Variants in RBP2 observed in about 807,000 individuals in gnomAD.
The protein encoded by RBP2 is retinol-binding protein 2.
A neutral mutation model predicts 17.0 loss-of-function variants in RBP2; 17 were observed. That is an observed-to-expected ratio of 1.00 (90% CI 0.68 to 1.50). RBP2 has a LOEUF of 1.50. Among genes scored for constraint, RBP2 ranks in the 40% most tolerant of loss-of-function variants. RBP2 has a pLI of 0.00. For missense variants in RBP2, 158 were observed against 168.2 expected (o/e 0.94, Z 0.33); for synonymous variants, 48 against 57.1 (o/e 0.84, Z 0.72).
chr3:139,465,784 A>G (rs1460562514), intron 1 of RBP2, among the ~76,000 whole-genome samples: 1 of 152,156 alleles, frequency 6.6e-6, no homozygotes, highest in Non-Finnish European at 1.5e-5. Flanking sequence ...CCAGGGCTGT[A>G]TAATAAGTGA....
At chr3:139,461,939 C>T (rs1227495268) in intron 2 of RBP2, among the ~76,000 whole-genome samples, 173 bp downstream of exon 2, 1 of 152,240 alleles carries the variant, frequency 6.6e-6, no homozygotes, top group Non-Finnish European at 1.5e-5. Flanking sequence ...AGGCCTGCCT[C>T]TTCCTACTAA....
intron 2 of RBP2, among the ~76,000 whole-genome samples, chr3:139,459,946 GGA>G (rs146064989): frequency 0.015 from 2,246 of 152,210 alleles, 61 homozygotes; most frequent in African/African-American, 0.052. Flanking sequence ...ACTGCTGACT[GGA>G]GAGGGGAGAA....
At chr3:139,455,819 G>A (rs1559803775) in intron 2 of RBP2, among the ~76,000 whole-genome samples, 2 of 152,206 alleles carry the variant, frequency 1.3e-5, no homozygotes, top group South Asian at 4.1e-4. Context: ...AGGGGCAGCA[G>A]CAGAACATGT....
chr3:139,453,794 A>T (rs550529319), intron 3 of RBP2, among the ~76,000 whole-genome samples: 1 of 152,352 alleles, frequency 6.6e-6, no homozygotes, highest in African/African-American at 2.4e-5. Flanking sequence ...TTGACTGTGA[A>T]TCCATTGTCT....
intron 2 of RBP2, among the ~76,000 whole-genome samples, 185 bp from the exon 3 acceptor site, chr3:139,455,015 A>G (rs1943370837): frequency 6.6e-6 from 1 of 152,188 alleles, no homozygotes; most frequent in African/African-American, 2.4e-5. Context: ...ATTCCAGCCA[A>G]ACCAGCTTAT....
intron 1 of RBP2, among the ~76,000 whole-genome samples, chr3:139,471,978 C>G (rs928424254): frequency 1.3e-5 from 2 of 152,206 alleles, no homozygotes; most frequent in Non-Finnish European, 2.9e-5. Context: ...ACTTAAAGAT[C>G]CTGTTGCTTT....
intron 1 of RBP2, 134 bp downstream of exon 1, chr3:139,476,253 A>T (rs1933735600): frequency 3.1e-6 from 2 of 654,314 alleles, no homozygotes; most frequent in African/African-American, 1.8e-5. Context: ...TGATCTGCCT[A>T]ATATTGCACA....
At chr3:139,465,640 C>A (rs1933333918) in intron 1 of RBP2, among the ~76,000 whole-genome samples, 1 of 152,136 alleles carries the variant, frequency 6.6e-6, no homozygotes, top group African/African-American at 2.4e-5. Context: ...CTAGTAACTT[C>A]TGATTCTGTT....
chr3:139,455,376 C>T (rs1314534266), intron 2 of RBP2, among the ~76,000 whole-genome samples: 1 of 152,082 alleles, frequency 6.6e-6, no homozygotes, highest in African/African-American at 2.4e-5. Flanking sequence ...GACATTCAGC[C>T]TCACATTATA....
rs1042111373 is a variant in RBP2 at position 139,462,111 on chromosome 3, C to T, written c.252+1G>A. On this transcript the variant is annotated splice_donor_variant, in intron 2 of 3. Coordinates refer to ENST00000232217, the MANE Select transcript of RBP2 (RefSeq NM_004164.3). LOFTEE classifies it high-confidence loss of function. Reference sequence around the variant, plus strand: ...TGAAAAACACCAGCCCCGGTCAGTACCTTAACATGCCGGTTATCCAGGCTC... The same window carrying T: ...TGAAAAACACCAGCCCCGGTCAGTATCTTAACATGCCGGTTATCCAGGCTC... The T allele has an allele frequency of 1.9e-6, 3 of 1,613,894 alleles. No individual in the cohort carries two copies. The African/African-American group carries it at 4.0e-5, about 22-fold the overall frequency.
intron 3 of RBP2, among the ~76,000 whole-genome samples, chr3:139,453,370 A>G (rs1229279744): frequency 6.6e-6 from 1 of 152,260 alleles, no homozygotes; most frequent in Non-Finnish European, 1.5e-5. Context: ...TTGAGCTTGA[A>G]CAACTATAAA....
chr3:139,458,955 T>G (rs1045000135), intron 2 of RBP2, among the ~76,000 whole-genome samples: 2 of 152,144 alleles, frequency 1.3e-5, no homozygotes, highest in African/African-American at 4.8e-5. Flanking sequence ...CCACAGGAAG[T>G]CCTTCCTAAG....
chr3:139,459,614 ACT>A (rs1192113325), intron 2 of RBP2, among the ~76,000 whole-genome samples: 3 of 150,578 alleles, frequency 2.0e-5, no homozygotes, highest in African/African-American at 7.3e-5. Flanking sequence ...CGAGAGTGAA[ACT>A]CTGTCTCAAA....
At chr3:139,455,155 G>A (rs1258230629) in intron 2 of RBP2, among the ~76,000 whole-genome samples, 1 of 152,032 alleles carries the variant, frequency 6.6e-6, no homozygotes, top group Non-Finnish European at 1.5e-5. Flanking sequence ...TTCTGGAAGG[G>A]GAAAATACCT....
chr3:139,474,507 G>T (rs1426191895), intron 1 of RBP2, among the ~76,000 whole-genome samples: 1 of 152,184 alleles, frequency 6.6e-6, no homozygotes, highest in Non-Finnish European at 1.5e-5. Flanking sequence ...AAGACACAAG[G>T]TTTCTTTCTA....
intron 1 of RBP2, among the ~76,000 whole-genome samples, chr3:139,467,203 AT>A (rs1441121803): frequency 1.3e-5 from 2 of 152,218 alleles, no homozygotes; most frequent in Non-Finnish European, 2.9e-5. Context: ...CAGGACAGTG[AT>A]TATTAAAGTG....
chr3:139,473,090 A>G (rs1933616869), intron 1 of RBP2, among the ~76,000 whole-genome samples: 1 of 152,168 alleles, frequency 6.6e-6, no homozygotes, highest in African/African-American at 2.4e-5. Flanking sequence ...CTGAAGGAGG[A>G]CTGACTTCAG....
chr3:139,461,658 GA>G (rs2107871634), intron 2 of RBP2, among the ~76,000 whole-genome samples: 1 of 152,048 alleles, frequency 6.6e-6, no homozygotes, highest in African/African-American at 2.4e-5. Flanking sequence ...ATAAAAATTT[GA>G]GATATTTTAT....
chr3:139,470,167 C>CTGGT (rs1211668058), intron 1 of RBP2, among the ~76,000 whole-genome samples: 1 of 152,194 alleles, frequency 6.6e-6, no homozygotes, highest in Admixed American at 6.5e-5. Flanking sequence ...GCTCCCCCGC[C>CTGGT]ACCCCAGCCT....
Sources: allele counts gnomAD v4.1 joint callset (sites outside exome capture counted in the v4.1 genomes callset), GRCh38; gene constraint gnomAD v4.1.1; transcripts MANE v1.5; gene names NCBI Gene and HGNC (gene_info 2026-07-23, HGNC 2026-07-21).